NKAIN3: variants seen among roughly 807,000 people sequenced by gnomAD.
NKAIN3 encodes the protein sodium/potassium transporting ATPase interacting 3.
Under a neutral mutation model 30.2 loss-of-function variants are expected in NKAIN3, and 25 were observed. The ratio of observed to expected loss-of-function variants is 0.83; its 90% confidence interval spans 0.60 to 1.16. The LOEUF (loss-of-function observed/expected upper bound fraction) is 1.16, where lower values mean the gene tolerates loss of function less well. NKAIN3 is among the 50% of genes most tolerant of loss of function. The pLI is 0.00. For missense variants in NKAIN3, 225 were observed against 254.1 expected (o/e 0.89, Z 0.78); for synonymous variants, 91 against 89.6 (o/e 1.02, Z -0.09).
At chr8:62,863,642 C>T (rs1563599786) in intron 4 of NKAIN3, 3 of 1,269,204 alleles carry the variant, frequency 2.4e-6, no homozygotes, top group Non-Finnish European at 3.5e-6. Flanking sequence ...GTTTGGGTCA[C>T]TGGGATAACT....
rs189616392 is a variant in NKAIN3 at position 62,767,862 on chromosome 8, G to T, written c.471+20733G>T. Among the ~76,000 whole-genome samples, 830 of 151,734 alleles carry T rather than the reference G, an allele frequency of 5.5e-3. 7 individuals are homozygous for T. The highest frequency in any genetic ancestry group is 0.019 in the African/African-American group (796 of 41,342). On this transcript the variant is annotated intron_variant, in intron 4 of 6. Coordinates refer to ENST00000623646, the MANE Select transcript of NKAIN3 (RefSeq NM_001304533.3). ...GATTTGGAAAACTTGGTACAAAAAAGAAGATAAAATATCATACATAATTAT... is the reference window on the plus strand; with the variant it reads ...GATTTGGAAAACTTGGTACAAAAAATAAGATAAAATATCATACATAATTAT...
At chr8:62,523,532 T>C (rs1585903797) in intron 1 of NKAIN3, among the ~76,000 whole-genome samples, 2 of 152,270 alleles carry the variant, frequency 1.3e-5, no homozygotes, top group South Asian at 2.1e-4. Flanking sequence ...CTAGGCAAAC[T>C]TGTAAAAGTG....
intron 4 of NKAIN3, among the ~76,000 whole-genome samples, chr8:62,897,057 G>A (rs996868818): frequency 6.6e-6 from 1 of 152,110 alleles, no homozygotes; most frequent in African/African-American, 2.4e-5. Flanking sequence ...AGAAGGGAAA[G>A]AGTCTGTGCA....
At chr8:62,471,530 A>G (rs770096473) in intron 1 of NKAIN3, among the ~76,000 whole-genome samples, 1 of 152,214 alleles carries the variant, frequency 6.6e-6, no homozygotes, top group Non-Finnish European at 1.5e-5. Flanking sequence ...ACAATGCCTT[A>G]TATGCAAACA....
chr8:62,484,227 A>G (rs1414216781), intron 1 of NKAIN3, among the ~76,000 whole-genome samples: 2 of 152,106 alleles, frequency 1.3e-5, no homozygotes, highest in African/African-American at 4.8e-5. Flanking sequence ...GGATGCTCTT[A>G]GCAGACTCTA....
chr8:62,863,641 A>G, intron 4 of NKAIN3: 2 of 1,255,960 alleles, frequency 1.6e-6, no homozygotes, highest in East Asian at 2.3e-5. Context: ...TGTTTGGGTC[A>G]CTGGGATAAC....
intron 5 of NKAIN3, among the ~76,000 whole-genome samples, chr8:62,950,491 G>A (rs1222455778): frequency 6.6e-6 from 1 of 151,960 alleles, no homozygotes; most frequent in Non-Finnish European, 1.5e-5. Context: ...TAAATTTTTT[G>A]TAGTCTTGTC....
chr8:62,301,470 C>T (rs2129587973), intron 1 of NKAIN3, among the ~76,000 whole-genome samples: 1 of 152,106 alleles, frequency 6.6e-6, no homozygotes, highest in East Asian at 1.9e-4. Context: ...GGTTACTTGG[C>T]ATTTGTCTCA....
At chr8:62,501,403 T>C (rs1398400029) in intron 1 of NKAIN3, among the ~76,000 whole-genome samples, 2 of 152,262 alleles carry the variant, frequency 1.3e-5, no homozygotes, top group East Asian at 1.9e-4. Flanking sequence ...CCTTTTGGGC[T>C]TTTTCTTCAG....
intron 1 of NKAIN3, among the ~76,000 whole-genome samples, chr8:62,503,038 G>GT (rs1240112056): frequency 6.6e-6 from 1 of 152,208 alleles, no homozygotes; most frequent in Non-Finnish European, 1.5e-5. Flanking sequence ...GAGGTGAGTG[G>GT]TGGGCTAGCA....
intron 4 of NKAIN3, among the ~76,000 whole-genome samples, chr8:62,825,928 C>T (rs1819007446): frequency 6.6e-6 from 1 of 152,152 alleles, no homozygotes; most frequent in African/African-American, 2.4e-5. Context: ...AAGGGCACCG[C>T]AGCAGCCATG....
At chr8:62,759,745 A>G in intron 4 of NKAIN3, among the ~76,000 whole-genome samples, 1 of 152,194 alleles carries the variant, frequency 6.6e-6, no homozygotes, top group Admixed American at 6.5e-5. Flanking sequence ...AGCAATGGCA[A>G]CAAAAGCCAA....
intron 4 of NKAIN3, among the ~76,000 whole-genome samples, chr8:62,875,178 A>G (rs1278972151): frequency 6.6e-6 from 1 of 152,150 alleles, no homozygotes; most frequent in African/African-American, 2.4e-5. Flanking sequence ...CTATACACCA[A>G]CAATAGGCAA....
intron 3 of NKAIN3, among the ~76,000 whole-genome samples, chr8:62,717,953 A>G (rs2130509811): frequency 6.6e-6 from 1 of 152,352 alleles, no homozygotes; most frequent in East Asian, 1.9e-4. Flanking sequence ...AATTCACAAA[A>G]GAAAGAGGTT....
intron 1 of NKAIN3, among the ~76,000 whole-genome samples, chr8:62,552,645 G>C (rs1809252209): frequency 6.6e-6 from 1 of 152,166 alleles, no homozygotes; most frequent in Non-Finnish European, 1.5e-5. Flanking sequence ...CTCAGTTAAT[G>C]CTCTTGACAA....
chr8:62,589,874 A>AG (rs1455642883), intron 3 of NKAIN3, 80 bp downstream of exon 3: 17 of 593,334 alleles, frequency 2.9e-5, no homozygotes, highest in Non-Finnish European at 4.8e-5. Flanking sequence ...ATATAGGTAT[A>AG]TTGTGTGTGT....
intron 4 of NKAIN3, among the ~76,000 whole-genome samples, chr8:62,773,099 T>C (rs987085113): frequency 2.6e-5 from 4 of 152,206 alleles, no homozygotes; most frequent in African/African-American, 4.8e-5. Context: ...TCTCTTTGTT[T>C]ATTGTTTCCT....
rs530819176 is a variant in NKAIN3, at chr8:62,615,372, C to A, written c.273+25578C>A. Among the ~76,000 whole-genome samples, 5 of 152,190 alleles carry A rather than the reference C, an allele frequency of 3.3e-5. No homozygotes were observed. In the East Asian group the frequency reaches 9.7e-4, roughly 30 times the overall value. On this transcript the variant is annotated intron_variant, in intron 3 of 6. Coordinates refer to ENST00000623646, the MANE Select transcript of NKAIN3 (RefSeq NM_001304533.3). ...CAAGACAAAGTCCTCCTGAATCTTGCCCCTCCTCTCCTCAAACAAAAGGAA... is the reference window on the plus strand; with the variant it reads ...CAAGACAAAGTCCTCCTGAATCTTGACCCTCCTCTCCTCAAACAAAAGGAA...
At chr8:62,486,000 TGA>T (rs1444901668) in intron 1 of NKAIN3, among the ~76,000 whole-genome samples, 7 of 152,082 alleles carry the variant, frequency 4.6e-5, no homozygotes, top group African/African-American at 7.2e-5. Flanking sequence ...GCAGTATAAA[TGA>T]GAGTGTCAGT....
Sources: gnomAD v4.1 joint callset for allele counts (sites outside exome capture counted in the v4.1 genomes callset) on GRCh38, gnomAD v4.1.1 for gene constraint, MANE v1.5 for transcripts, NCBI Gene and HGNC (gene_info 2026-07-23, HGNC 2026-07-21) for gene names.